The following CFAP97 variants were observed in gnomAD, a reference collection of about 807,000 sequenced individuals.
The protein encoded by CFAP97 is cilia and flagella associated protein 97, also known as cilia- and flagella-associated protein 97.
A neutral mutation model predicts 43.1 loss-of-function variants in CFAP97; 36 were observed. The ratio of observed to expected loss-of-function variants is 0.84; its 90% confidence interval spans 0.64 to 1.10. CFAP97 has a LOEUF of 1.10. Among genes scored for constraint, CFAP97 ranks in the 50% least tolerant of loss-of-function variants. The pLI is 0.00. For missense variants in CFAP97, 657 were observed against 620.3 expected, an observed-to-expected ratio of 1.06 and a Z score of -0.63; for synonymous variants, 228 against 225.7, an observed-to-expected ratio of 1.01 and a Z score of -0.09.
intron 1 of CFAP97, among the ~76,000 whole-genome samples, chr4:185,201,782 C>T (rs1332371406): frequency 6.6e-6 from 1 of 152,100 alleles, no homozygotes; most frequent in Admixed American, 6.6e-5. Flanking sequence ...CAAGGTATGC[C>T]TGTATTTACC....
At chr4:185,193,370 A>G (rs1248408195) in intron 1 of CFAP97, among the ~76,000 whole-genome samples, 1 of 152,168 alleles carries the variant, frequency 6.6e-6, no homozygotes, top group Non-Finnish European at 1.5e-5. Flanking sequence ...GCAAAAGGCC[A>G]GGCACGGTGG....
At chr4:185,193,230 T>C (rs1041512800) in intron 1 of CFAP97, among the ~76,000 whole-genome samples, 8 of 152,124 alleles carry the variant, frequency 5.3e-5, no homozygotes, top group Non-Finnish European at 5.9e-5. Context: ...ACTGTCCAAG[T>C]TGGACAATTC....
At chr4:185,174,787 A>G (rs1735450933) in intron 3 of CFAP97, among the ~76,000 whole-genome samples, 1 of 152,178 alleles carries the variant, frequency 6.6e-6, no homozygotes, top group South Asian at 2.1e-4. Context: ...TACTTCAGAG[A>G]ATTGTTGTCA....
At chr4:185,196,239 C>T (rs1248032086) in intron 1 of CFAP97, among the ~76,000 whole-genome samples, 1 of 151,586 alleles carries the variant, frequency 6.6e-6, no homozygotes, top group Non-Finnish European at 1.5e-5. Context: ...TTTGGGAGGC[C>T]GAGGTGGGCA....
At chr4:185,183,043 T>A (rs551632165) in intron 2 of CFAP97, among the ~76,000 whole-genome samples, 1 of 151,484 alleles carries the variant, frequency 6.6e-6, no homozygotes, top group South Asian at 2.1e-4. Context: ...GAGGCTGCAG[T>A]AAGCTGAGAT....
chr4:185,170,201 C>A, intron 3 of CFAP97: 1 of 574,098 alleles, frequency 1.7e-6, no homozygotes, highest in Non-Finnish European at 3.0e-6. Flanking sequence ...CAAAAATTAG[C>A]TGGGTGTGGT....
chr4:185,182,361 G>A (rs1468279995), intron 2 of CFAP97: 1 of 151,964 alleles, frequency 6.6e-6, no homozygotes, highest in Non-Finnish European at 1.5e-5. Context: ...ACATAGCAAA[G>A]GCAGCTTTGC....
At chr4:185,175,260 CTT>C (rs879419543) in intron 3 of CFAP97, among the ~76,000 whole-genome samples, 1 of 151,250 alleles carries the variant, frequency 6.6e-6, no homozygotes, top group East Asian at 1.9e-4. Flanking sequence ...CTCTCTCTCT[CTT>C]TTTTCTTCTC....
Position 185,191,215 on chromosome 4 carries a change from G to GAAA in CFAP97, c.-16-6_-16-4dup. The GAAA allele has an allele frequency of 5.1e-6, 7 of 1,375,126 alleles. No individual in the cohort carries two copies. Among genetic ancestry groups the GAAA allele is most frequent in the African/African-American group, 1.5e-5 (1 of 68,392 alleles). 85.2% of individuals were successfully genotyped at this position (1,375,126 alleles called of 1,614,324 possible). A position where few individuals can be genotyped will look rare whatever the true frequency, so the allele number is the denominator to read the frequency against. On this transcript the variant is annotated splice_region_variant and splice_polypyrimidine_tract_variant and intron_variant, in intron 1 of 4. Coordinates refer to ENST00000458385, the MANE Select transcript of CFAP97 (RefSeq NM_020827.3). Reference sequence around the variant, plus strand: ...GATCCATGATGGCAAAAATATATCTGAAAAAAAAATGTAAACATCAGACTA... The same window carrying GAAA: ...GATCCATGATGGCAAAAATATATCTGAAAAAAAAAAAATGTAAACATCAGACTA...
At chr4:185,201,434 A>G (rs993367605) in intron 1 of CFAP97, among the ~76,000 whole-genome samples, 1 of 152,102 alleles carries the variant, frequency 6.6e-6, no homozygotes, top group African/African-American at 2.4e-5. Flanking sequence ...AAAGTTAATC[A>G]TTGTCTTATT....
rs993431095 is a variant in CFAP97, at chr4:185,175,899, C to T, written c.1207G>A (p.Glu403Lys). Residue 403 changes from glutamate (E) to lysine (K), a missense_variant, in exon 3 of 5, where the codon GAA becomes AAA. Coordinates refer to ENST00000458385, the MANE Select transcript of CFAP97 (RefSeq NM_020827.3). ...ATTGTACTTTTGCTTCCCGGCTTTT[C>T]CGCCTGTCTTGACAGTTCTTTCAAA... Reference protein sequence around the residue: ...RLLKELSRQAEKPGSKSTIPR... With the variant: ...RLLKELSRQAKKPGSKSTIPR... 1.2e-6 allele frequency: 2 copies of T among 1,613,930 alleles called. No individual in the cohort carries two copies. Among genetic ancestry groups the T allele is most frequent in the Non-Finnish European group, 1.7e-6 (2 of 1,179,892 alleles).
intron 1 of CFAP97, among the ~76,000 whole-genome samples, chr4:185,198,563 G>A (rs187405370): frequency 2.6e-5 from 4 of 152,076 alleles, no homozygotes; most frequent in Admixed American, 1.3e-4. Flanking sequence ...GCCGAGATGG[G>A]CAGATCACCT....
intron 2 of CFAP97, among the ~76,000 whole-genome samples, chr4:185,185,583 T>C (rs1445309198): frequency 1.3e-5 from 2 of 151,740 alleles, no homozygotes; most frequent in African/African-American, 4.8e-5. Flanking sequence ...AGGCTGGTAG[T>C]GATATTAACA....
Position 185,190,872 on chromosome 4 carries a change from C to T in CFAP97, c.325G>A (p.Gly109Arg). 7 of 1,612,370 alleles carry T rather than the reference C, an allele frequency of 4.3e-6. No homozygotes were observed. Among genetic ancestry groups the T allele is most frequent in the Non-Finnish European group, 5.9e-6 (7 of 1,179,076 alleles). Residue 109 changes from glycine (G) to arginine (R), a missense_variant, in exon 2 of 5, where the codon GGA (glycine) becomes AGA (arginine). Physicochemically the swap from Gly to Arg is moderately radical, Grantham distance 125 (BLOSUM62 -2). Transcript: ENST00000458385. ...RSKKLCDVTT[G>R]LKIHVSIPNR... is the part of the protein sequence containing the mutation. Reference sequence around the variant, plus strand: ...GGAATGGACACGTGTATTTTAAGTCCTGTTGTAACATCACACAATTTTTTT... The same window carrying T: ...GGAATGGACACGTGTATTTTAAGTCTTGTTGTAACATCACACAATTTTTTT...
upstream of CFAP97, chr4:185,204,566 A>C (rs1318671431): frequency 6.6e-6 from 1 of 152,224 alleles, no homozygotes; most frequent in East Asian, 1.9e-4. Flanking sequence ...GGATGATGGC[A>C]CCCCAAAAAT....
chr4:185,190,336 C>A lies in CFAP97; in HGVS notation c.861G>T (p.Val287=). The A allele has an allele frequency of 6.2e-7, 1 of 1,604,070 alleles. No individual in the cohort carries two copies. Among genetic ancestry groups the A allele is most frequent in the Non-Finnish European group, 8.5e-7 (1 of 1,174,200 alleles). The change falls in exon 2 of 5, where the codon GTG becomes GTT. Residue 287 remains valine (V), a synonymous_variant. Coordinates refer to ENST00000458385, the MANE Select transcript of CFAP97 (RefSeq NM_020827.3). ...CAACATCTTCATATATTTCTTGGCT[C>A]ACATTTTCTTGCTTTTTAATTTTCA... is the stretch of plus-strand genomic sequence containing the variant. The part of the protein sequence containing the change: ...QKVKIKKQEN[V]SQEIYEDVED...
chr4:185,169,932 T>C (rs1488515285), intron 3 of CFAP97: 11 of 1,001,490 alleles, frequency 1.1e-5, no homozygotes, highest in Non-Finnish European at 1.2e-5. Flanking sequence ...TTCAAGATCT[T>C]AGAACAAAAG....
Position 185,175,803 on chromosome 4 carries a change from T to C in CFAP97, c.1303A>G (p.Ile435Val). The stretch of plus-strand genomic sequence containing the variant: ...TTACTTACCAAGTTTTCTCTCTCAA[T>C]CCTTTGTTGTTCCTTCTGTCTGTTG... The part of the protein sequence containing the change: ...ALNRQKEQQR[I>V]ERENLALLKR... The change falls in exon 3 of 5, where the codon ATT becomes GTT. Residue 435 changes from isoleucine to valine, a missense_variant. Physicochemically the swap from Ile to Val is conservative, Grantham distance 29 (BLOSUM62 3). Coordinates refer to ENST00000458385, the MANE Select transcript of CFAP97 (RefSeq NM_020827.3). The C allele has an allele frequency of 6.2e-7, 1 of 1,613,136 alleles. No individual in the cohort carries two copies. The highest frequency in any genetic ancestry group is 8.5e-7 in the Non-Finnish European group (1 of 1,179,468).
At chr4:185,174,721 TTAACCTGTC>T (rs1338647908) in intron 3 of CFAP97, among the ~76,000 whole-genome samples, 1 of 152,230 alleles carries the variant, frequency 6.6e-6, no homozygotes, top group African/African-American at 2.4e-5. Context: ...TGCTAAATAT[TTAACCTGTC>T]TAACCCTCAG....
Sources: gnomAD v4.1 joint callset for allele counts (sites outside exome capture counted in the v4.1 genomes callset) on GRCh38, gnomAD v4.1.1 for gene constraint, MANE v1.5 for transcripts, NCBI Gene and HGNC (gene_info 2026-07-23, HGNC 2026-07-21) for gene names.